Variants in MAML2 observed in about 807,000 individuals in gnomAD.
The protein encoded by MAML2 is mastermind-like protein 2.
A neutral mutation model predicts 96.1 loss-of-function variants in MAML2; 22 were observed. The observed-to-expected ratio is 0.23, with a 90% CI of 0.16 to 0.33. The LOEUF is 0.33. MAML2 is among the 10% of genes least tolerant of loss of function. MAML2 has a pLI of 1.00. For missense variants in MAML2, 1,367 were observed against 1,392.4 expected (o/e 0.98, Z 0.29); for synonymous variants, 561 against 521.3 (o/e 1.08, Z -1.04).
chr11:96,321,223 G>T (rs1308035722), intron 1 of MAML2, among the ~76,000 whole-genome samples: 1 of 152,228 alleles, frequency 6.6e-6, no homozygotes, highest in Non-Finnish European at 1.5e-5. Context: ...CTAAAGGGAT[G>T]AAGAAATGCT....
At chr11:96,060,447 T>C (rs1487366685) in intron 2 of MAML2, among the ~76,000 whole-genome samples, 1 of 150,454 alleles carries the variant, frequency 6.6e-6, no homozygotes, top group African/African-American at 2.5e-5. Flanking sequence ...CCATTTGTTC[T>C]ATTTTTTTTT....
At chr11:96,204,716 G>A (rs917152680) in intron 1 of MAML2, among the ~76,000 whole-genome samples, 1 of 152,152 alleles carries the variant, frequency 6.6e-6, no homozygotes, top group African/African-American at 2.4e-5. Context: ...ACATTATGTT[G>A]AAGGAATCTG....
chr11:96,230,570 C>T (rs137889267), intron 1 of MAML2, among the ~76,000 whole-genome samples: 178 of 152,266 alleles, frequency 1.2e-3, no homozygotes, highest in African/African-American at 3.8e-3. Flanking sequence ...AATGGGTAAA[C>T]GAATACACAG....
intron 2 of MAML2, among the ~76,000 whole-genome samples, chr11:96,053,915 T>C (rs1371621899): frequency 6.6e-6 from 1 of 152,198 alleles, no homozygotes; most frequent in Non-Finnish European, 1.5e-5. Flanking sequence ...TATATGTGTA[T>C]CTGTGACTCA....
chr11:96,053,598 G>T (rs1294343588), intron 2 of MAML2, among the ~76,000 whole-genome samples: 1 of 151,306 alleles, frequency 6.6e-6, no homozygotes, highest in Non-Finnish European at 1.5e-5. Context: ...GGCCAGTCTG[G>T]AAGAGAGAAG....
chr11:96,093,455 G>C lies in MAML2; in HGVS notation c.576C>G (p.Pro192=). The C allele has an allele frequency of 3.7e-6, 6 of 1,613,972 alleles. No homozygotes were observed. Among genetic ancestry groups the C allele is most frequent in the Non-Finnish European group, 5.1e-6 (6 of 1,179,890 alleles). The change falls in exon 2 of 5, where the codon CCC becomes CCG. Residue 192 remains proline (P), a synonymous_variant. Coordinates refer to ENST00000524717, the MANE Select transcript of MAML2 (RefSeq NM_032427.4). ...VNLSPANSKR[P]NGFVDNSFLD... ...GAAATGAGTTGTCCACAAAGCCATT[G>C]GGTCGCTTGCTGTTGGCAGGAGATA...
chr11:96,179,846 G>A (rs903743404), intron 1 of MAML2, among the ~76,000 whole-genome samples: 3 of 152,164 alleles, frequency 2.0e-5, no homozygotes, highest in African/African-American at 7.2e-5. Context: ...GTTTCTCAGA[G>A]AAGAGCCACC....
At chr11:96,126,067 G>A (rs187031106) in intron 1 of MAML2, among the ~76,000 whole-genome samples, 3 of 152,224 alleles carry the variant, frequency 2.0e-5, no homozygotes, top group Admixed American at 2.0e-4. Context: ...CTTCTGATAC[G>A]GTCGTAATAC....
chr11:96,070,014 C>T (rs1316517174), intron 2 of MAML2, among the ~76,000 whole-genome samples: 2 of 150,606 alleles, frequency 1.3e-5, no homozygotes, highest in Admixed American at 6.6e-5. Flanking sequence ...CAGAGTGAGA[C>T]TCTGTCTCAA....
intron 2 of MAML2, among the ~76,000 whole-genome samples, chr11:96,066,809 G>A (rs185516427): frequency 1.3e-4 from 20 of 152,294 alleles, no homozygotes; most frequent in Admixed American, 1.3e-3. Flanking sequence ...AGAACAGAAT[G>A]TCCAAAGGTG....
chr11:96,205,455 T>A (rs1861882953), intron 1 of MAML2, among the ~76,000 whole-genome samples: 1 of 152,222 alleles, frequency 6.6e-6, no homozygotes, highest in Non-Finnish European at 1.5e-5. Flanking sequence ...CAAATATAAA[T>A]ATGACATAGT....
intron 1 of MAML2, among the ~76,000 whole-genome samples, chr11:96,247,502 G>C (rs995080593): frequency 6.6e-6 from 1 of 152,080 alleles, no homozygotes; most frequent in East Asian, 1.9e-4. Context: ...TGATAGATTG[G>C]CATCTGCTTT....
rs184453598 is a variant in MAML2 at position 96,306,184 on chromosome 11, G to A, written c.513+35199C>T. Among the ~76,000 whole-genome samples the A allele has an allele frequency of 3.7e-3, 556 of 152,174 alleles. 5 individuals are homozygous for A. The highest frequency in any genetic ancestry group is 0.013 in the African/African-American group (526 of 41,500). Reference sequence around the variant, plus strand: ...TCAGTTGTGCCTTTGATCACTGCACGAGCCCAGGCCCACAATATCAAATGA... The same window carrying A: ...TCAGTTGTGCCTTTGATCACTGCACAAGCCCAGGCCCACAATATCAAATGA... On this transcript the variant is annotated intron_variant, in intron 1 of 4. Coordinates refer to ENST00000524717, the MANE Select transcript of MAML2 (RefSeq NM_032427.4).
intron 1 of MAML2, among the ~76,000 whole-genome samples, chr11:96,310,645 G>T: frequency 6.6e-6 from 1 of 152,152 alleles, no homozygotes; most frequent in East Asian, 1.9e-4. Flanking sequence ...TTTATAACAT[G>T]CTTTCTCATA....
At position 96,000,327 on chromosome 11, in the gene MAML2, G is replaced by A. The variant is rs148555373; in HGVS notation, c.2140-8604C>T. On this transcript the variant is annotated intron_variant, in intron 2 of 4. Coordinates refer to ENST00000524717, the MANE Select transcript of MAML2 (RefSeq NM_032427.4). ...TGACGGCCTAATCCAGCCTGCCACC[G>A]TTTTTGGTAAATAAAATTTTATTGG... Among the ~76,000 whole-genome samples, 1,473 of 152,202 alleles carry A rather than the reference G, an allele frequency of 9.7e-3. 13 individuals are homozygous for A. Among genetic ancestry groups the A allele is most frequent in the African/African-American group, 0.012 (489 of 41,514 alleles).
At chr11:96,033,134 A>C (rs1415412320) in intron 2 of MAML2, among the ~76,000 whole-genome samples, 4 of 152,232 alleles carry the variant, frequency 2.6e-5, no homozygotes, top group Non-Finnish European at 4.4e-5. Flanking sequence ...AGCACTTTTT[A>C]CAAAATGGCA....
intron 1 of MAML2, among the ~76,000 whole-genome samples, chr11:96,144,582 T>G (rs909352749): frequency 6.6e-6 from 1 of 152,164 alleles, no homozygotes; most frequent in African/African-American, 2.4e-5. Context: ...CCTTAGAAGA[T>G]TAGAAGAGAG....
chr11:96,021,513 C>T (rs1858434917), intron 2 of MAML2, among the ~76,000 whole-genome samples: 4 of 152,138 alleles, frequency 2.6e-5, no homozygotes, highest in African/African-American at 7.2e-5. Flanking sequence ...TTGTAGGTGG[C>T]TGGGACTTCT....
chr11:96,316,395 A>G (rs1863633765), intron 1 of MAML2, among the ~76,000 whole-genome samples: 1 of 152,236 alleles, frequency 6.6e-6, no homozygotes, highest in African/African-American at 2.4e-5. Context: ...TATAAATAAA[A>G]CAAAGAAGGG....
Sources: allele counts gnomAD v4.1 joint callset (sites outside exome capture counted in the v4.1 genomes callset), GRCh38; gene constraint gnomAD v4.1.1; transcripts MANE v1.5; gene names NCBI Gene and HGNC (gene_info 2026-07-23, HGNC 2026-07-21).